Variants in SUGCT observed in about 807,000 individuals in gnomAD.
The protein encoded by SUGCT is succinyl-CoA:glutarate CoA-transferase.
A neutral mutation model predicts 55.0 loss-of-function variants in SUGCT; 41 were observed. That is an observed-to-expected ratio of 0.74 (90% CI 0.58 to 0.97). The LOEUF (loss-of-function observed/expected upper bound fraction) is 0.97, where lower values mean the gene tolerates loss of function less well. Ranked by LOEUF, SUGCT falls within the 50% of genes least tolerant of loss-of-function variation. The probability of loss-of-function intolerance (pLI) is 0.00; values close to 1 mark genes in which losing one functional copy is unlikely to be tolerated. For missense variants in SUGCT, 568 were observed against 547.8 expected, an observed-to-expected ratio of 1.04 and a Z score of -0.37; for synonymous variants, 187 against 200.4, an observed-to-expected ratio of 0.93 and a Z score of 0.56.
intron 12 of SUGCT, among the ~76,000 whole-genome samples, chr7:40,631,223 T>G (rs1458639377): frequency 6.7e-6 from 1 of 150,192 alleles, no homozygotes; most frequent in Non-Finnish European, 1.5e-5. Flanking sequence ...AGTGATTCTG[T>G]TTTTTTTTCA....
intron 1 of SUGCT, among the ~76,000 whole-genome samples, chr7:40,140,899 A>C (rs1787947980): frequency 1.3e-5 from 2 of 152,184 alleles, no homozygotes; most frequent in South Asian, 4.1e-4. Context: ...AATGATGTTG[A>C]TAGAAATTGC....
chr7:41,009,508 C>CA, the SUGCT span, among the ~76,000 whole-genome samples: 1 of 152,040 alleles, frequency 6.6e-6, no homozygotes. Context: ...ATCCACCATC[C>CA]TTCCTTCCTT....
At chr7:40,990,772 CT>C in the SUGCT span, among the ~76,000 whole-genome samples, 1 of 152,202 alleles carries the variant, frequency 6.6e-6, no homozygotes, top group East Asian at 1.9e-4. Flanking sequence ...TCACCTTTCA[CT>C]TTTATGTTGA....
At chr7:40,898,893 TC>T in the SUGCT span, among the ~76,000 whole-genome samples, 1,570 of 152,070 alleles carry the variant, frequency 0.01, 11 homozygotes, top group Non-Finnish European at 0.016. Flanking sequence ...AGTCAAAACT[TC>T]CTAGGTACAT....
the SUGCT span, among the ~76,000 whole-genome samples, chr7:40,900,496 A>G: frequency 6.6e-6 from 1 of 152,256 alleles, no homozygotes; most frequent in Admixed American, 6.5e-5. Flanking sequence ...GATGTGAAAG[A>G]AAACTATCTT....
intron 1 of SUGCT, among the ~76,000 whole-genome samples, chr7:40,138,508 G>A (rs1216595081): frequency 6.6e-6 from 1 of 152,176 alleles, no homozygotes; most frequent in Non-Finnish European, 1.5e-5. Flanking sequence ...TTGGGTAGAT[G>A]CACAGTAGTG....
At chr7:40,503,205 T>C (rs1224791906) in intron 12 of SUGCT, among the ~76,000 whole-genome samples, 2 of 152,106 alleles carry the variant, frequency 1.3e-5, no homozygotes, top group Non-Finnish European at 1.5e-5. Context: ...GGTTTGAATA[T>C]ATGTAGAGAC....
chr7:40,605,393 C>G (rs896555287), intron 12 of SUGCT, among the ~76,000 whole-genome samples: 2 of 152,206 alleles, frequency 1.3e-5, no homozygotes, highest in African/African-American at 4.8e-5. Flanking sequence ...TCTTTCCACT[C>G]AAGATATTCC....
At chr7:40,911,137 A>C in the SUGCT span, among the ~76,000 whole-genome samples, 2,087 of 152,236 alleles carry the variant, frequency 0.014, 48 homozygotes, top group African/African-American at 0.048. Context: ...CAAAGTAGCC[A>C]TGAGTGACTT....
intron 6 of SUGCT, among the ~76,000 whole-genome samples, chr7:40,213,165 CT>C (rs1192961368): frequency 1.6e-4 from 25 of 152,206 alleles, no homozygotes; most frequent in Admixed American, 1.4e-3. Context: ...GCGTTAAAAT[CT>C]TTATTATTCA....
At chr7:40,569,490 T>C (rs1417662026) in intron 12 of SUGCT, among the ~76,000 whole-genome samples, 1 of 152,156 alleles carries the variant, frequency 6.6e-6, no homozygotes, top group Non-Finnish European at 1.5e-5. Flanking sequence ...CTGACAAAAC[T>C]GTCAGCTTCA....
intron 13 of SUGCT, among the ~76,000 whole-genome samples, chr7:40,772,534 CTATCT>C (rs1255101130): frequency 6.6e-6 from 1 of 151,094 alleles, no homozygotes; most frequent in Non-Finnish European, 1.5e-5. Context: ...ATCTATCTAT[CTATCT>C]ATCTATCTAT....
chr7:40,493,507 G>C (rs573939901), intron 11 of SUGCT, among the ~76,000 whole-genome samples: 2 of 152,302 alleles, frequency 1.3e-5, no homozygotes, highest in African/African-American at 4.8e-5. Context: ...TTTAACATCA[G>C]CTGTGCTTCA....
the SUGCT span, among the ~76,000 whole-genome samples, chr7:40,993,398 C>T: frequency 1.1e-4 from 16 of 152,214 alleles, no homozygotes; most frequent in Admixed American, 2.6e-4. Flanking sequence ...GAGCTGAATG[C>T]GAGAGGCTTA....
At chr7:40,890,771 A>C in the SUGCT span, among the ~76,000 whole-genome samples, 2 of 152,200 alleles carry the variant, frequency 1.3e-5, 1 homozygote, top group Admixed American at 1.3e-4. Context: ...AATAATCAGA[A>C]AAACATAACA....
At chr7:40,491,456 A>G (rs909523896) in intron 11 of SUGCT, among the ~76,000 whole-genome samples, 2 of 152,250 alleles carry the variant, frequency 1.3e-5, no homozygotes, top group Middle Eastern at 3.4e-3. Context: ...AGGTTTATGA[A>G]GGAAATGGAA....
chr7:41,001,193 C>T, the SUGCT span, among the ~76,000 whole-genome samples: 4 of 152,052 alleles, frequency 2.6e-5, no homozygotes, highest in Non-Finnish European at 4.4e-5. Context: ...AGGAGAAGAG[C>T]GTTGGCTGAA....
In SUGCT at chr7:40,624,772, A is replaced by AACACACAC. The variant is rs71791486; in HGVS notation, c.1090-124629_1090-124622dup. On this transcript the variant is annotated intron_variant, in intron 12 of 13. Transcript: ENST00000335693. ...TGTCTCTGTAAAACGTTTCTGTGCAAACACACACACACACACACACACACA... is the reference window on the plus strand; with the variant it reads ...TGTCTCTGTAAAACGTTTCTGTGCAAACACACACACACACACACACACACACACACACA... Among the ~76,000 whole-genome samples, 671 of 137,370 alleles carry AACACACAC rather than the reference A, an allele frequency of 4.9e-3. 3 individuals carry two copies. Among genetic ancestry groups the AACACACAC allele is most frequent in the African/African-American group, 0.017 (606 of 35,364 alleles). 90.1% of individuals were successfully genotyped at this position (137,370 alleles called of 152,430 possible).
chr7:40,946,784 T>C, the SUGCT span, among the ~76,000 whole-genome samples: 1 of 152,212 alleles, frequency 6.6e-6, no homozygotes, highest in Non-Finnish European at 1.5e-5. Context: ...ATTTCTGGTA[T>C]CCATTTTTTT....
Sources: gnomAD v4.1 joint callset for allele counts (sites outside exome capture counted in the v4.1 genomes callset) on GRCh38, gnomAD v4.1.1 for gene constraint, MANE v1.5 for transcripts, NCBI Gene and HGNC (gene_info 2026-07-23, HGNC 2026-07-21) for gene names.